CLEC9A: variants seen among roughly 807,000 people sequenced by gnomAD.
CLEC9A encodes the protein C-type lectin domain family 9 member A.
In CLEC9A, 24 loss-of-function variants were observed where a neutral mutation model predicts 30.0. That is an observed-to-expected ratio of 0.80 (90% confidence interval 0.58 to 1.13). The LOEUF is 1.13. Among genes scored for constraint, CLEC9A ranks in the 50% most tolerant of loss-of-function variants. CLEC9A has a pLI of 0.00. For missense variants in CLEC9A, 251 were observed against 280.9 expected (o/e 0.89, Z 0.76); for synonymous variants, 111 against 96.8 (o/e 1.15, Z -0.86).
At position 10,052,714 on chromosome 12, in the gene CLEC9A, T is replaced by C. The variant is rs1865904412; in HGVS notation, c.27T>C (p.Ser9=). Residue 9 remains serine, a synonymous_variant, in exon 4 of 9, where the codon TCT becomes TCC. Transcript: ENST00000355819. MHEEEIYT[S]LQWDSPAPDT... ...TGCACGAGGAAGAAATATACACCTC[T>C]CTTCAGTGGGATAGCCCAGCACCAG... 6.2e-7 allele frequency: 1 copy of C among 1,613,864 alleles called. No individual in the cohort carries two copies. Among genetic ancestry groups the C allele is most frequent in the Admixed American group, 1.7e-5 (1 of 59,986 alleles).
chr12:10,043,091 T>G (rs1865811836), intron 2 of CLEC9A: 1 of 231,776 alleles, frequency 4.3e-6, no homozygotes, highest in Non-Finnish European at 8.7e-6. Flanking sequence ...TGAAATACAT[T>G]AATATAGACA....
intron 1 of CLEC9A, among the ~76,000 whole-genome samples, chr12:10,031,400 C>T (rs752195474): frequency 2.6e-5 from 4 of 152,226 alleles, no homozygotes; most frequent in African/African-American, 9.6e-5. Context: ...GGGAGTCAAA[C>T]ACGAAATCTC....
rs79808834 is a variant in CLEC9A at position 10,044,083 on chromosome 12, C to T, written c.-163+2463C>T. Among the ~76,000 whole-genome samples, 736 of 152,296 alleles carry T rather than the reference C, an allele frequency of 4.8e-3. 27 individuals are homozygous for T. In the East Asian group the frequency reaches 0.085, roughly 18 times the overall value. ...TTTCGGTGGCATTTTGCCTACTCTT[C>T]TATCCTTCAAGTCTCCAAGAATTAG... On this transcript the variant is annotated intron_variant, in intron 2 of 8. Transcript: ENST00000355819.
At chr12:10,052,564 A>G in intron 3 of CLEC9A, 66 bp from the exon 4 acceptor site, 1 of 1,458,294 alleles carries the variant, frequency 6.9e-7, no homozygotes, top group Admixed American at 2.4e-5. Flanking sequence ...ACACAAACAT[A>G]TTTTCCCACT....
intron 4 of CLEC9A, 24 bp downstream of exon 4, chr12:10,052,802 G>T (rs1411489901): frequency 5.6e-6 from 9 of 1,602,666 alleles, no homozygotes; most frequent in African/African-American, 1.3e-5. Context: ...ACTATTTTGT[G>T]TGAGACTTTA....
intron 2 of CLEC9A, among the ~76,000 whole-genome samples, chr12:10,042,773 T>C (rs1467014599): frequency 1.3e-5 from 2 of 152,196 alleles, no homozygotes; most frequent in African/African-American, 2.4e-5. Context: ...AAATTAATAC[T>C]TCTATAGGGA....
chr12:10,044,619 T>A (rs556710150), intron 2 of CLEC9A, among the ~76,000 whole-genome samples: 8 of 152,358 alleles, frequency 5.3e-5, no homozygotes, highest in African/African-American at 1.9e-4. Context: ...ATCAAGTCTC[T>A]ATTTAAACAT....
intron 1 of CLEC9A, chr12:10,041,005 G>A (rs1017011009): frequency 5.7e-5 from 9 of 158,394 alleles, no homozygotes; most frequent in African/African-American, 2.2e-4. Context: ...CATTTTTGGA[G>A]GCCGACACGG....
intron 6 of CLEC9A, 58 bp downstream of exon 6, chr12:10,061,331 A>G (rs1435106046): frequency 3.9e-5 from 57 of 1,474,422 alleles, no homozygotes; most frequent in Middle Eastern, 3.6e-4. Context: ...CCAATACCTC[A>G]AAAGAAACAG....
intron 5 of CLEC9A, among the ~76,000 whole-genome samples, chr12:10,055,832 G>A (rs979023997): frequency 5.9e-5 from 9 of 151,926 alleles, no homozygotes; most frequent in East Asian, 1.9e-4. Context: ...CGAGGTGGGC[G>A]GATTGCCTGA....
In CLEC9A at chr12:10,046,909, G is replaced by T. The variant is rs182169758; in HGVS notation, c.-162-5082G>T. On this transcript the variant is annotated intron_variant, in intron 2 of 8. Transcript: ENST00000355819. ...CTCTATTTCCTCATCTATGAAATGG[G>T]TTTAATATTTTGACCTTGCTCATAG... is the stretch of plus-strand genomic sequence containing the variant. Among the ~76,000 whole-genome samples, 745 of 152,210 alleles carry T rather than the reference G, an allele frequency of 4.9e-3. 3 individuals are homozygous for T. Among genetic ancestry groups the T allele is most frequent in the African/African-American group, 0.018 (730 of 41,528 alleles).
chr12:10,053,728 C>CA (rs1284089564), intron 4 of CLEC9A, among the ~76,000 whole-genome samples: 5 of 151,716 alleles, frequency 3.3e-5, no homozygotes, highest in African/African-American at 7.2e-5. Context: ...GTTTTGAATA[C>CA]AAAAAATCAC....
intron 5 of CLEC9A, among the ~76,000 whole-genome samples, chr12:10,055,924 T>G (rs1000791470): frequency 1.3e-5 from 2 of 151,290 alleles, no homozygotes; most frequent in Non-Finnish European, 2.9e-5. Flanking sequence ...CCGGGAGTGG[T>G]GGGGTGCGCC....
chr12:10,033,401 T>C (rs1298839115), intron 1 of CLEC9A, among the ~76,000 whole-genome samples: 2 of 152,158 alleles, frequency 1.3e-5, no homozygotes, highest in Admixed American at 6.5e-5. Context: ...TCCAAAATTA[T>C]ATTTCCATAC....
intron 2 of CLEC9A, among the ~76,000 whole-genome samples, chr12:10,050,000 C>G (rs562774552): frequency 6.6e-6 from 1 of 152,270 alleles, no homozygotes; most frequent in South Asian, 2.1e-4. Context: ...AACTCTTTCC[C>G]TCAACTCTTA....
Position 10,034,929 on chromosome 12 carries a change from T to C in CLEC9A, c.-318+3957T>C, listed in dbSNP as rs577002086. On this transcript the variant is annotated intron_variant, in intron 1 of 8. Transcript: ENST00000355819. ...GAGGCTTTCTGCATCCCAGGGTTCT[T>C]ACCTTGGTGTACTGGAAGAATCAGA... Among the ~76,000 whole-genome samples the C allele has an allele frequency of 2.0e-5, 3 of 152,324 alleles. No individual in the cohort carries two copies. In the South Asian group the frequency reaches 6.2e-4, roughly 32 times the overall value.
intron 5 of CLEC9A, among the ~76,000 whole-genome samples, chr12:10,055,638 T>C (rs1865935280): frequency 6.6e-6 from 1 of 152,206 alleles, no homozygotes; most frequent in South Asian, 2.1e-4. Context: ...TGAAGCACTG[T>C]TGTCAAGTGA....
chr12:10,065,593 T>C lies in CLEC9A; in HGVS notation c.687T>C (p.Tyr229=), dbSNP rs755505370. 2 of 1,613,890 alleles carry C rather than the reference T, an allele frequency of 1.2e-6. No homozygotes were observed. Among genetic ancestry groups the C allele is most frequent in the East Asian group, 4.5e-5 (2 of 44,886 alleles). ...CGTCTAACTGCAGCACGTGGAAGTATTTTATCTGTGAGAAGTATGCGTTGA... is the reference window on the plus strand; with the variant it reads ...CGTCTAACTGCAGCACGTGGAAGTACTTTATCTGTGAGAAGTATGCGTTGA... ...LLSSNCSTWK[Y]FICEKYALRS... is the part of the protein sequence containing the mutation. Residue 229 remains tyrosine (Y), a synonymous_variant, in exon 9 of 9, where the codon TAT becomes TAC. Coordinates refer to ENST00000355819, the MANE Select transcript of CLEC9A (RefSeq NM_207345.4).
chr12:10,043,121 T>C, intron 2 of CLEC9A: 1 of 259,378 alleles, frequency 3.9e-6, no homozygotes, highest in Non-Finnish European at 7.6e-6. Context: ...ACTTTTTTTT[T>C]TGTCCAGGGT....
Sources: gnomAD v4.1 joint callset for allele counts (sites outside exome capture counted in the v4.1 genomes callset) on GRCh38, gnomAD v4.1.1 for gene constraint, MANE v1.5 for transcripts, NCBI Gene and HGNC (gene_info 2026-07-23, HGNC 2026-07-21) for gene names.